Variants in OTUD5 observed in about 807,000 individuals in gnomAD.
OTUD5 encodes the protein OTU domain-containing protein 5.
In OTUD5, 2 loss-of-function variants were observed where a neutral mutation model predicts 36.3. The ratio of observed to expected loss-of-function variants is 0.06; its 90% CI spans 0.02 to 0.17. The LOEUF (loss-of-function observed/expected upper bound fraction) is 0.17, where lower values mean the gene tolerates loss of function less well. Ranked by LOEUF, OTUD5 falls within the 10% of genes least tolerant of loss-of-function variation. The pLI, the probability that OTUD5 is intolerant of heterozygous loss-of-function variation, is 1.00. For synonymous variants in OTUD5, 234 were observed against 214.9 expected, an observed-to-expected ratio of 1.09 and a Z score of -0.78; for missense variants, 233 against 512.3, an observed-to-expected ratio of 0.45 and a Z score of 5.26.
At chrX:48,935,167 C>T in intron 2 of OTUD5, 149 bp from the exon 3 acceptor site, 2 of 535,983 alleles carry the variant, frequency 3.7e-6, no homozygotes, top group Non-Finnish European at 6.1e-6. Context: ...CCCTTGTAGG[C>T]TAGAACGGGG....
At chrX:48,923,821 C>A in intron 7 of OTUD5, 30 bp downstream of exon 7, 1 of 1,205,483 alleles carries the variant, frequency 8.3e-7, no homozygotes, top group Non-Finnish European at 1.1e-6. Flanking sequence ...TCCTAACTCC[C>A]AGCACATTCC....
intron 5 of OTUD5, among the ~76,000 whole-genome samples, chrX:48,926,488 T>C (rs1385698576): frequency 9.0e-6 from 1 of 110,748 alleles, no homozygotes; most frequent in Non-Finnish European, 1.9e-5. Context: ...GTAGCTGGGA[T>C]TACAGGTGAG....
chrX:48,949,840 C>A (rs2064102055), intron 1 of OTUD5, among the ~76,000 whole-genome samples: 2 of 108,686 alleles, frequency 1.8e-5, no homozygotes, highest in Non-Finnish European at 3.8e-5. Context: ...GTGACAGAGG[C>A]CAGCACTGTC....
chrX:48,949,784 T>A (rs1009707944), intron 1 of OTUD5, among the ~76,000 whole-genome samples: 17 of 109,202 alleles, frequency 1.6e-4, no homozygotes, highest in African/African-American at 5.4e-4. Flanking sequence ...GTCCAGGAAG[T>A]GGAGGGTGCA....
intron 2 of OTUD5, among the ~76,000 whole-genome samples, chrX:48,937,180 C>A (rs781959297): frequency 8.9e-6 from 1 of 111,763 alleles, no homozygotes; most frequent in South Asian, 3.7e-4. Flanking sequence ...CCCGCCCTCC[C>A]CAGCGGCATT....
intron 2 of OTUD5, among the ~76,000 whole-genome samples, chrX:48,937,623 G>A (rs1425345765): frequency 8.9e-6 from 1 of 112,650 alleles, no homozygotes; most frequent in Non-Finnish European, 1.9e-5. Flanking sequence ...AGGCTCTGCT[G>A]CCTCCTAGCT....
intron 5 of OTUD5, among the ~76,000 whole-genome samples, chrX:48,931,736 C>T (rs2063755146): frequency 9.6e-6 from 1 of 104,235 alleles, no homozygotes; most frequent in African/African-American, 3.5e-5. Flanking sequence ...CCGAGATCGC[C>T]TCATTGCACT....
At position 48,922,953 on chromosome X, in the gene OTUD5, G is replaced by A; in HGVS notation, c.*221C>T. 2 of 1,052,711 alleles carry A rather than the reference G, an allele frequency of 1.9e-6. No homozygotes were observed. Among genetic ancestry groups the A allele is most frequent in the Non-Finnish European group, 2.4e-6 (2 of 818,439 alleles). 86.8% of individuals were successfully genotyped at this position (1,052,711 alleles called of 1,213,427 possible). On this transcript the variant is annotated 3_prime_UTR_variant, in exon 9 of 9. Coordinates refer to ENST00000376488, the MANE Select transcript of OTUD5 (RefSeq NM_001136157.2). ...GGTTCTGTGCGGGATGGGGTGGGGG[G>A]CAACAGGGCACATCAGCTGGCAGAG...
At chrX:48,930,993 G>A (rs193039526) in intron 5 of OTUD5, among the ~76,000 whole-genome samples, 14 of 110,253 alleles carry the variant, frequency 1.3e-4, no homozygotes, top group Admixed American at 6.8e-4. Context: ...ATTGATGTAC[G>A]TAATAACTGG....
chrX:48,957,010 G>C lies in OTUD5; in HGVS notation c.561C>G (p.Arg187=). The C allele has an allele frequency of 2.5e-6, 3 of 1,196,740 alleles. No homozygotes were observed. Among genetic ancestry groups the C allele is most frequent in the East Asian group, 3.1e-5 (1 of 32,425 alleles). Residue 187 remains arginine (R), a synonymous_variant, in exon 1 of 9, where the codon CGC becomes CGG. Transcript: ENST00000376488. ...CAGTGGCAGGGTCCATAGCCTCGAT[G>C]CGTGCTGCAGCCGCCTCATACTCGT... ...SEDEYEAAAA[R]IEAMDPATVE... is the part of the protein sequence containing the mutation.
intron 1 of OTUD5, among the ~76,000 whole-genome samples, chrX:48,945,254 T>C (rs1450551992): frequency 9.4e-6 from 1 of 106,628 alleles, no homozygotes; most frequent in African/African-American, 3.5e-5. Flanking sequence ...CAAAAAGCTT[T>C]GAAAATCAAG....
intron 1 of OTUD5, among the ~76,000 whole-genome samples, chrX:48,948,485 C>T (rs1423873916): frequency 8.9e-6 from 1 of 112,547 alleles, no homozygotes; most frequent in East Asian, 2.8e-4. Flanking sequence ...GCATGGAGGA[C>T]ATACCTTGCA....
At chrX:48,939,274 G>A (rs1168831101) in intron 2 of OTUD5, among the ~76,000 whole-genome samples, 1 of 110,580 alleles carries the variant, frequency 9.0e-6, no homozygotes, top group Admixed American at 9.7e-5. Flanking sequence ...CTGATCTTGT[G>A]TGCCTCAGTT....
chrX:48,925,747 C>T, intron 6 of OTUD5, 100 bp downstream of exon 6: 1 of 653,017 alleles, frequency 1.5e-6, no homozygotes, highest in Non-Finnish European at 2.4e-6. Context: ...TCCTTCCCTC[C>T]CAGATGTCAA....
intron 5 of OTUD5, among the ~76,000 whole-genome samples, chrX:48,933,026 G>A (rs2063780110): frequency 9.0e-6 from 1 of 110,879 alleles, no homozygotes; most frequent in Non-Finnish European, 1.9e-5. Context: ...CATTAAACCA[G>A]GACAAGTCAC....
intron 1 of OTUD5, among the ~76,000 whole-genome samples, chrX:48,951,410 C>T (rs1234330702): frequency 1.8e-5 from 2 of 110,976 alleles, no homozygotes; most frequent in Admixed American, 9.5e-5. Context: ...GTCAGGAGAT[C>T]GAGATCATCC....
At chrX:48,931,396 A>G (rs1371787972) in intron 5 of OTUD5, among the ~76,000 whole-genome samples, 3 of 112,562 alleles carry the variant, frequency 2.7e-5, no homozygotes, top group Non-Finnish European at 5.6e-5. Flanking sequence ...TTTGATCAGT[A>G]CTCCTTAAAA....
At chrX:48,936,346 C>T (rs1250226734) in intron 2 of OTUD5, 1 of 111,755 alleles carries the variant, frequency 8.9e-6, no homozygotes, top group Non-Finnish European at 1.9e-5. Context: ...CTTCCATCCT[C>T]GTCAGCTGCC....
At chrX:48,944,534 T>C (rs2063989052) in intron 1 of OTUD5, among the ~76,000 whole-genome samples, 1 of 112,120 alleles carries the variant, frequency 8.9e-6, no homozygotes, top group African/African-American at 3.2e-5. Flanking sequence ...CCATATGCCT[T>C]ATGGCTTCTG....
Sources: gnomAD v4.1 joint callset for allele counts (sites outside exome capture counted in the v4.1 genomes callset) on GRCh38, gnomAD v4.1.1 for gene constraint, MANE v1.5 for transcripts, NCBI Gene and HGNC (gene_info 2026-07-23, HGNC 2026-07-21) for gene names.